The following USP40 variants were observed in gnomAD, a reference collection of about 807,000 sequenced individuals.
USP40 encodes ubiquitin carboxyl-terminal hydrolase 40.
USP40 carries 143 observed loss-of-function variants against 166.2 expected under a neutral mutation model. That is an observed-to-expected ratio of 0.86 (90% CI 0.75 to 0.99). USP40 has a LOEUF of 0.99. Ranked by LOEUF, USP40 falls within the 50% of genes least tolerant of loss-of-function variation. The pLI is 0.00. For missense variants in USP40, 1,444 were observed against 1,479.7 expected, an observed-to-expected ratio of 0.98 and a Z score of 0.40; for synonymous variants, 498 against 524.0, an observed-to-expected ratio of 0.95 and a Z score of 0.68.
At chr2:233,478,674 C>G (rs2064339488) in intron 31 of USP40, among the ~76,000 whole-genome samples, 1 of 152,174 alleles carries the variant, frequency 6.6e-6, no homozygotes, top group Non-Finnish European at 1.5e-5. Flanking sequence ...TGGCGACAGC[C>G]TGGAAGTGTG....
At chr2:233,523,101 G>GA in intron 16 of USP40, 69 bp downstream of exon 16, 1 of 1,459,966 alleles carries the variant, frequency 6.8e-7, no homozygotes, top group Non-Finnish European at 9.2e-7. Flanking sequence ...TAAAGCTTTA[G>GA]AGTTCTGCTG....
Position 233,524,479 on chromosome 2 carries a change from T to C in USP40, c.1881+13A>G. ...AAAATTATCACGAATATTTCTTCAG[T>C]AATTTTTTTTACCTCCACCCCATTC... On this transcript the variant is annotated intron_variant, in intron 15 of 31. Coordinates refer to ENST00000678225, the MANE Select transcript of USP40 (RefSeq NM_001365479.2). The C allele has an allele frequency of 6.3e-7, 1 of 1,598,030 alleles. No homozygotes were observed. Among genetic ancestry groups the C allele is most frequent in the South Asian group, 1.1e-5 (1 of 87,956 alleles).
chr2:233,525,138 T>A (rs1575289726), intron 14 of USP40, among the ~76,000 whole-genome samples: 1 of 152,186 alleles, frequency 6.6e-6, no homozygotes, highest in East Asian at 1.9e-4. Context: ...GAAAATCAAG[T>A]CACATAAATA....
intron 10 of USP40, 131 bp from the exon 11 acceptor site, chr2:233,533,910 C>A: frequency 2.1e-6 from 2 of 957,120 alleles, no homozygotes; most frequent in Non-Finnish European, 3.0e-6. Context: ...TGGCCAGCTA[C>A]GGGGGAAAAT....
chr2:233,527,371 C>A (rs764117468), intron 13 of USP40, 36 bp downstream of exon 13: 1 of 1,598,930 alleles, frequency 6.3e-7, no homozygotes, highest in South Asian at 1.1e-5. Flanking sequence ...AGATGGTGCT[C>A]GATGTCTGAA....
chr2:233,524,609 C>A, intron 14 of USP40, 47 bp from the exon 15 acceptor site: 1 of 1,421,176 alleles, frequency 7.0e-7, no homozygotes, highest in Non-Finnish European at 9.5e-7. Context: ...CCATCAGAAA[C>A]AACTGAGCTA....
chr2:233,556,774 G>T (rs1047205444), intron 5 of USP40, 81 bp downstream of exon 5: 7 of 1,291,638 alleles, frequency 5.4e-6, no homozygotes, highest in Non-Finnish European at 5.1e-6. Flanking sequence ...TTTAATCCTT[G>T]TGTGGTATAT....
intron 2 of USP40, 86 bp downstream of exon 2, chr2:233,565,270 A>C: frequency 1.0e-6 from 1 of 1,001,544 alleles, no homozygotes; most frequent in Non-Finnish European, 1.4e-6. Flanking sequence ...CTTTAAGATA[A>C]TTGGTCTATT....
chr2:233,529,796 T>TTTTTC (rs1262760141), intron 11 of USP40, among the ~76,000 whole-genome samples: 7 of 132,246 alleles, frequency 5.3e-5, no homozygotes, highest in South Asian at 2.6e-4. Context: ...TTCATCTTTT[T>TTTTTC]TTTTTCTTTT....
chr2:233,505,178 G>A (rs2066333676), intron 21 of USP40, among the ~76,000 whole-genome samples: 1 of 151,870 alleles, frequency 6.6e-6, no homozygotes, highest in African/African-American at 2.4e-5. Flanking sequence ...AAAACCCATG[G>A]GATACAGCAA....
intron 26 of USP40, among the ~76,000 whole-genome samples, chr2:233,490,480 C>T (rs934409325): frequency 5.9e-5 from 9 of 152,104 alleles, no homozygotes; most frequent in Non-Finnish European, 1.3e-4. Flanking sequence ...CCAACATATG[C>T]TTTTTCTTGA....
At chr2:233,560,905 CAG>C (rs2071528856) in intron 3 of USP40, 1 of 622,266 alleles carries the variant, frequency 1.6e-6, no homozygotes, top group African/African-American at 1.9e-5. Flanking sequence ...TTTCCTTCAC[CAG>C]AAGAAAGAAT....
intron 18 of USP40, among the ~76,000 whole-genome samples, chr2:233,517,494 C>G (rs1673158683): frequency 6.6e-6 from 1 of 151,416 alleles, no homozygotes. Context: ...ACGCCATTCT[C>G]CAGCCTCAGC....
At chr2:233,565,657 C>T in intron 1 of USP40, 84 bp from the exon 2 acceptor site, 1 of 1,187,730 alleles carries the variant, frequency 8.4e-7, no homozygotes, top group Admixed American at 2.5e-5. Context: ...GGAGTCGATT[C>T]TGTTGTTTCT....
intron 4 of USP40, among the ~76,000 whole-genome samples, chr2:233,558,859 T>C (rs139212900): frequency 4.9e-4 from 75 of 152,264 alleles, no homozygotes; most frequent in African/African-American, 1.8e-3. Context: ...AAATTTAACA[T>C]ACTTGTTTAG....
chr2:233,512,775 G>T, intron 18 of USP40, 153 bp from the exon 19 acceptor site: 1 of 373,648 alleles, frequency 2.7e-6, no homozygotes, highest in Non-Finnish European at 4.7e-6. Context: ...ACTACAGAAA[G>T]CTAAAAACAA....
intron 22 of USP40, among the ~76,000 whole-genome samples, chr2:233,499,616 T>C (rs2065945700): frequency 6.6e-6 from 1 of 152,154 alleles, no homozygotes; most frequent in Non-Finnish European, 1.5e-5. Flanking sequence ...CTAATTTACA[T>C]TCCCACCAAC....
chr2:233,543,212 A>G (rs1427024703), intron 8 of USP40, among the ~76,000 whole-genome samples: 1 of 152,280 alleles, frequency 6.6e-6, no homozygotes, highest in African/African-American at 2.4e-5. Flanking sequence ...CCAGAAATAC[A>G]GATAGTCCTA....
chr2:233,498,544 T>C lies in USP40; in HGVS notation c.2715+4A>G. ...GAAAGTACAATGTATAGAAATCATC[T>C]TACTTCTTCACATAAAGGCTCTCCA... On this transcript the variant is annotated splice_donor_region_variant and intron_variant, in intron 23 of 31. Transcript: ENST00000678225. 6.2e-7 allele frequency: 1 copy of C among 1,611,612 alleles called. No individual in the cohort carries two copies. Among genetic ancestry groups the C allele is most frequent in the Non-Finnish European group, 8.5e-7 (1 of 1,178,832 alleles).
Sources: gnomAD v4.1 joint callset for allele counts (sites outside exome capture counted in the v4.1 genomes callset) on GRCh38, gnomAD v4.1.1 for gene constraint, MANE v1.5 for transcripts, NCBI Gene and HGNC (gene_info 2026-07-23, HGNC 2026-07-21) for gene names.